LZTR1: variants seen among roughly 807,000 people sequenced by gnomAD.
LZTR1 encodes the protein leucine zipper like post translational regulator 1.
A neutral mutation model predicts 105.7 loss-of-function variants in LZTR1; 260 were observed. The ratio of observed to expected loss-of-function variants is 2.46; its 90% CI spans 2.22 to 2.72. The LOEUF is 2.72. Ranked by LOEUF, LZTR1 falls within the 30% of genes most tolerant of loss-of-function variation. LZTR1 has a pLI of 0.00. For synonymous variants in LZTR1, 490 were observed against 476.4 expected (o/e 1.03, Z -0.37); for missense variants, 1,214 against 1,166.9 (o/e 1.04, Z -0.59).
At chr22:20,985,261 T>C (rs1019290864) in intron 2 of LZTR1, among the ~76,000 whole-genome samples, 2 of 151,944 alleles carry the variant, frequency 1.3e-5, no homozygotes, top group African/African-American at 4.8e-5. Context: ...GGTTTCACCA[T>C]GTTGGCCAGG....
At position 20,993,948 on chromosome 22, in the gene LZTR1, G is replaced by A. The variant is rs763222950; in HGVS notation, c.1378G>A (p.Val460Ile). 8 of 1,612,502 alleles carry A rather than the reference G, an allele frequency of 5.0e-6. No homozygotes were observed. The highest frequency in any genetic ancestry group is 1.7e-4 in the Middle Eastern group (1 of 5,986). The change falls in exon 13 of 21, where the codon GTA (valine) becomes ATA (isoleucine). Residue 460 changes from valine to isoleucine, a missense_variant. By Grantham distance (29) the Val-to-Ile change is conservative (BLOSUM62 3). Transcript: ENST00000646124. ...GEKEECVQGH[V>I]AIVTARSRWL... is the part of the protein sequence containing the mutation. ...GAAGGAGGAGTGCGTGCAGGGCCAC[G>A]TAGCCATTGTCACAGCGCGGAGCCG...
At chr22:20,997,064 T>TG (rs1478029575) in intron 20 of LZTR1, 98 bp downstream of exon 20, 2 of 1,320,274 alleles carry the variant, frequency 1.5e-6, no homozygotes, top group Non-Finnish European at 2.2e-6. Flanking sequence ...CCTGCAGTGG[T>TG]GGGCCCTGGG....
chr22:20,996,224 G>A lies in LZTR1; in HGVS notation c.2219+112G>A, dbSNP rs1001650625. ...CCCAGCTAGGTGATCTGGGCCCAGC[G>A]CCTCCCTCCAGAGGGTTTGCTGGTG... is the stretch of plus-strand genomic sequence containing the variant. On this transcript the variant is annotated intron_variant, in intron 18 of 20. Transcript: ENST00000646124. 4.2e-5 allele frequency: 52 copies of A among 1,225,770 alleles called. No homozygotes were observed. The African/African-American group carries it at 5.1e-4, about 12-fold the overall frequency. 75.9% of individuals were successfully genotyped at this position (1,225,770 alleles called of 1,614,324 possible). A position where few individuals can be genotyped will look rare whatever the true frequency, so the allele number is the denominator to read the frequency against.
In LZTR1 at chr22:20,995,835, C is replaced by G; in HGVS notation, c.2032C>G (p.Arg678Gly). 2 of 1,613,176 alleles carry G rather than the reference C, an allele frequency of 1.2e-6. No individual in the cohort carries two copies. The highest frequency in any genetic ancestry group is 4.5e-5 in the East Asian group (2 of 44,850). Residue 678 changes from arginine (R) to glycine (G), a missense_variant, in exon 17 of 21, where the codon CGG (arginine) becomes GGG (glycine). Coordinates refer to ENST00000646124, the MANE Select transcript of LZTR1 (RefSeq NM_006767.4). ...DITLLLDGHP[R>G]PAHKAILAAR... ...CACTCTGTTGCTTGACGGGCACCCA[C>G]GGCCAGCCCACAAGGCTATCCTGGC...
Position 20,996,946 on chromosome 22 carries a change from A to C in LZTR1, c.2386A>C (p.Ile796Leu). The C allele has an allele frequency of 6.2e-7, 1 of 1,613,648 alleles. No individual in the cohort carries two copies. Among genetic ancestry groups the C allele is most frequent in the Non-Finnish European group, 8.5e-7 (1 of 1,179,884 alleles). Residue 796 changes from isoleucine to leucine, a missense_variant, in exon 20 of 21, where the codon ATT becomes CTT. Transcript: ENST00000646124. ...LDMKRHCLHI[I>L]VHQFTKVSKL... ...CATGAAGCGGCACTGCCTGCACATC[A>C]TTGTGCACCAGTTCACCAAGGTCAG...
chr22:20,990,450 A>G lies in LZTR1; in HGVS notation c.716A>G (p.Lys239Arg). 1 of 1,614,112 alleles carries G rather than the reference A, an allele frequency of 6.2e-7. No homozygotes were observed. The highest frequency in any genetic ancestry group is 8.5e-7 in the Non-Finnish European group (1 of 1,180,020). ...CNFPVAVCRDKMFVFSGQSGA... is the reference protein window; with the variant it reads ...CNFPVAVCRDRMFVFSGQSGA... ...TTCCCCGTGGCTGTGTGCCGGGACA[A>G]GATGTTTGTATTCTCTGGGCAAAGC... Residue 239 changes from lysine (K) to arginine (R), a missense_variant, in exon 8 of 21, where the codon AAG becomes AGG. Coordinates refer to ENST00000646124, the MANE Select transcript of LZTR1 (RefSeq NM_006767.4).
At chr22:20,985,059 A>ATT (rs34655832) in intron 2 of LZTR1, among the ~76,000 whole-genome samples, 2,477 of 120,276 alleles carry the variant, frequency 0.021, 81 homozygotes, top group Non-Finnish European at 0.029. Flanking sequence ...CTTCGTTTCT[A>ATT]TTTTTTTTTT....
chr22:20,994,475 A>C, intron 14 of LZTR1, 83 bp from the exon 15 acceptor site: 1 of 1,471,084 alleles, frequency 6.8e-7, no homozygotes, highest in Non-Finnish European at 9.3e-7. Context: ...CCCAGCCCAC[A>C]CTCTTCCATG....
chr22:20,990,401 G>A lies in LZTR1; in HGVS notation c.667G>A (p.Glu223Lys), dbSNP rs369204535. The part of the protein sequence containing the change: ...TCWEEVAQSG[E>K]IPPSCCNFPV... ...CCCCCTGCAGGTGGCCCAGAGTGGC[G>A]AGATCCCCCCATCTTGCTGCAACTT... The change falls in exon 8 of 21, where the codon GAG becomes AAG. Residue 223 changes from glutamate to lysine, a missense_variant. Transcript: ENST00000646124. 1.1e-5 allele frequency: 18 copies of A among 1,614,002 alleles called. No individual in the cohort carries two copies. Among genetic ancestry groups the A allele is most frequent in the South Asian group, 4.4e-5 (4 of 91,086 alleles).
At chr22:20,990,638 C>T (rs1437391151) in intron 8 of LZTR1, 113 bp downstream of exon 8, 1 of 1,139,722 alleles carries the variant, frequency 8.8e-7, no homozygotes, top group Admixed American at 2.2e-5. Flanking sequence ...CTTGTGAGCT[C>T]TGCAAACAGC....
intron 12 of LZTR1, 22 bp from the exon 13 acceptor site, chr22:20,993,902 C>CAGTG: frequency 6.2e-7 from 1 of 1,605,812 alleles, no homozygotes; most frequent in Non-Finnish European, 8.5e-7. Context: ...TGCCCTCTGC[C>CAGTG]AGTGCATCAT....
At position 20,982,583 on chromosome 22, in the gene LZTR1, T is replaced by A; in HGVS notation, c.200+12T>A. The A allele has an allele frequency of 6.2e-7, 1 of 1,609,792 alleles. No homozygotes were observed. The highest frequency in any genetic ancestry group is 8.5e-7 in the Non-Finnish European group (1 of 1,178,374). ...TTCGTGGGTGCCCGGTACGGTGGGCTTCATGGGGTCCTGAGGACAGGAAGG... is the reference window on the plus strand; with the variant it reads ...TTCGTGGGTGCCCGGTACGGTGGGCATCATGGGGTCCTGAGGACAGGAAGG... On this transcript the variant is annotated intron_variant, in intron 1 of 20. Coordinates refer to ENST00000646124, the MANE Select transcript of LZTR1 (RefSeq NM_006767.4).
intron 3 of LZTR1, chr22:20,986,501 A>G (rs1924391861): frequency 6.6e-6 from 1 of 152,500 alleles, no homozygotes; most frequent in African/African-American, 2.4e-5. Flanking sequence ...TGACAGATAG[A>G]TAGATAGTGG....
In LZTR1 at chr22:20,994,229, G is replaced by T; in HGVS notation, c.1575G>T (p.Met525Ile). The T allele has an allele frequency of 6.2e-7, 1 of 1,600,378 alleles. No homozygotes were observed. The highest frequency in any genetic ancestry group is 8.5e-7 in the Non-Finnish European group (1 of 1,179,562). ...AGGCCCGGCCCTTCGAGGTGCTCAT[G>T]CAGTTCCTCTACACCGACAAGATCA... is the stretch of plus-strand genomic sequence containing the variant. ...EAEARPFEVLMQFLYTDKIKY... is the reference protein window; with the variant it reads ...EAEARPFEVLIQFLYTDKIKY... Residue 525 changes from methionine to isoleucine, a missense_variant, in exon 14 of 21, where the codon ATG (methionine) becomes ATT (isoleucine). Physicochemically the swap from Met to Ile is conservative, Grantham distance 10. Transcript: ENST00000646124.
chr22:20,995,995 C>A lies in LZTR1; in HGVS notation c.2102C>A (p.Pro701His), dbSNP rs1327579827. ...YFEAMFRSFM[P>H]EDGQVNISIG... Reference sequence around the variant, plus strand: ...GAAGCCATGTTCCGGTCCTTCATGCCCGAAGATGGGCAGGTGAACATCTCC... The same window carrying A: ...GAAGCCATGTTCCGGTCCTTCATGCACGAAGATGGGCAGGTGAACATCTCC... The change falls in exon 18 of 21, where the codon CCC (proline) becomes CAC (histidine). Residue 701 changes from proline to histidine, a missense_variant. Pro to His is a moderately conservative substitution (Grantham distance 77, BLOSUM62 -2). Coordinates refer to ENST00000646124, the MANE Select transcript of LZTR1 (RefSeq NM_006767.4). 6.2e-7 allele frequency: 1 copy of A among 1,613,646 alleles called. No homozygotes were observed. The highest frequency in any genetic ancestry group is 2.2e-5 in the East Asian group (1 of 44,886).
At chr22:20,996,382 A>G (rs964975669) in intron 18 of LZTR1, 4 of 594,286 alleles carry the variant, frequency 6.7e-6, no homozygotes, top group Middle Eastern at 4.5e-4. Flanking sequence ...TTTGTGTGAC[A>G]GTTGAGCACA....
chr22:20,994,464 C>A, intron 14 of LZTR1, 94 bp from the exon 15 acceptor site: 1 of 1,400,846 alleles, frequency 7.1e-7, no homozygotes, highest in Non-Finnish European at 9.8e-7. Context: ...TACCTAGTGG[C>A]CCCAGCCCAC....
intron 6 of LZTR1, 25 bp from the exon 7 acceptor site, chr22:20,989,600 T>C: frequency 6.2e-7 from 1 of 1,604,714 alleles, no homozygotes; most frequent in Non-Finnish European, 8.5e-7. Context: ...ACCCAAGGGG[T>C]CCTCACTGGT....
At chr22:20,991,934 C>G (rs1024203711) in intron 9 of LZTR1, 105 bp downstream of exon 9, 8 of 1,141,062 alleles carry the variant, frequency 7.0e-6, no homozygotes, top group African/African-American at 6.2e-5. Flanking sequence ...GGGTTCCAGA[C>G]AGCTACCAGG....
Sources: gnomAD v4.1 joint callset for allele counts (sites outside exome capture counted in the v4.1 genomes callset) on GRCh38, gnomAD v4.1.1 for gene constraint, MANE v1.5 for transcripts, NCBI Gene and HGNC (gene_info 2026-07-23, HGNC 2026-07-21) for gene names.